The following CDKAL1 variants were observed in gnomAD, a reference collection of about 807,000 sequenced individuals.
The protein encoded by CDKAL1 is threonylcarbamoyladenosine tRNA methylthiotransferase.
A neutral mutation model predicts 68.2 loss-of-function variants in CDKAL1; 32 were observed. That is an observed-to-expected ratio of 0.47 (90% CI 0.35 to 0.63). The LOEUF (loss-of-function observed/expected upper bound fraction) is 0.63, where lower values mean the gene tolerates loss of function less well. Among genes scored for constraint, CDKAL1 ranks in the 30% least tolerant of loss-of-function variants. The pLI, the probability that CDKAL1 is intolerant of heterozygous loss-of-function variation, is 0.00. For synonymous variants in CDKAL1, 234 were observed against 244.3 expected (o/e 0.96, Z 0.39); for missense variants, 606 against 696.7 (o/e 0.87, Z 1.47).
At chr6:20,896,600 A>T (rs1368815292) in intron 9 of CDKAL1, among the ~76,000 whole-genome samples, 2 of 152,222 alleles carry the variant, frequency 1.3e-5, no homozygotes, top group African/African-American at 4.8e-5. Flanking sequence ...CAATAATGAA[A>T]ACCATGGTTT....
In CDKAL1 at chr6:20,629,129, C is replaced by T. The variant is rs920018704; in HGVS notation, c.287-20164C>T. 7.2e-5 allele frequency among the ~76,000 whole-genome samples: 11 copies of T among 152,208 alleles called. 1 individual carries two copies. Among genetic ancestry groups the T allele is most frequent in the Non-Finnish European group, 8.8e-5 (6 of 68,032 alleles). The stretch of plus-strand genomic sequence containing the variant: ...AGATTTCTTTAATCTGGACTAGTTT[C>T]TCTCTCTTTACTTGCCTTTATATCT... On this transcript the variant is annotated intron_variant, in intron 4 of 15. Coordinates refer to ENST00000274695, the MANE Select transcript of CDKAL1 (RefSeq NM_017774.3).
At chr6:20,624,848 A>G (rs1297080718) in intron 4 of CDKAL1, among the ~76,000 whole-genome samples, 1 of 152,096 alleles carries the variant, frequency 6.6e-6, no homozygotes, top group African/African-American at 2.4e-5. Context: ...ATTCACATCA[A>G]CAACTGGAAT....
chr6:21,190,317 T>G (rs1778181952), intron 13 of CDKAL1, among the ~76,000 whole-genome samples: 1 of 152,150 alleles, frequency 6.6e-6, no homozygotes, highest in Non-Finnish European at 1.5e-5. Flanking sequence ...TTCAAGTTTA[T>G]TAGAACCATG....
At chr6:21,193,080 G>A (rs954117682) in intron 13 of CDKAL1, among the ~76,000 whole-genome samples, 3 of 151,986 alleles carry the variant, frequency 2.0e-5, no homozygotes, top group South Asian at 2.1e-4. Flanking sequence ...TGGCCTCCCC[G>A]AATGCTGGGA....
At chr6:20,677,133 C>T (rs554121958) in intron 5 of CDKAL1, among the ~76,000 whole-genome samples, 11 of 152,070 alleles carry the variant, frequency 7.2e-5, no homozygotes, top group African/African-American at 1.7e-4. Flanking sequence ...TGCAGTGGCG[C>T]GATTTTGGCT....
At chr6:21,024,164 G>A (rs1768831699) in intron 11 of CDKAL1, among the ~76,000 whole-genome samples, 1 of 152,090 alleles carries the variant, frequency 6.6e-6, no homozygotes, top group Admixed American at 6.6e-5. Flanking sequence ...TGAGATGAGG[G>A]TTCACTTTAG....
chr6:20,823,703 CAAAT>C (rs1358526790), intron 8 of CDKAL1, among the ~76,000 whole-genome samples: 1 of 152,238 alleles, frequency 6.6e-6, no homozygotes, highest in East Asian at 1.9e-4. Flanking sequence ...TTGGATTCAT[CAAAT>C]AACTCTTCGG....
chr6:20,795,333 G>A (rs1225136655), intron 8 of CDKAL1, among the ~76,000 whole-genome samples: 3 of 152,016 alleles, frequency 2.0e-5, no homozygotes, highest in African/African-American at 7.2e-5. Flanking sequence ...GCCTTTCTCA[G>A]TTCATGTTTT....
intron 8 of CDKAL1, among the ~76,000 whole-genome samples, chr6:20,785,101 T>A (rs1478568034): frequency 6.6e-6 from 1 of 152,056 alleles, no homozygotes; most frequent in Non-Finnish European, 1.5e-5. Flanking sequence ...GAGTAGAGTG[T>A]TGATCCTCGG....
chr6:20,831,164 A>G (rs1273292413), intron 8 of CDKAL1, among the ~76,000 whole-genome samples: 1 of 152,032 alleles, frequency 6.6e-6, no homozygotes, highest in African/African-American at 2.4e-5. Context: ...TACAATCAAT[A>G]CATTTTTGCC....
chr6:20,638,635 C>G (rs1192176025), intron 4 of CDKAL1, among the ~76,000 whole-genome samples: 1 of 145,160 alleles, frequency 6.9e-6, no homozygotes, highest in Non-Finnish European at 1.5e-5. Flanking sequence ...TTTTTTGAGA[C>G]GGAGTCTCAC....
At chr6:20,633,061 C>T (rs1363163299) in intron 4 of CDKAL1, among the ~76,000 whole-genome samples, 1 of 152,180 alleles carries the variant, frequency 6.6e-6, no homozygotes, top group Non-Finnish European at 1.5e-5. Context: ...TGTTTTTTAA[C>T]AGCTGTATTG....
At chr6:20,561,882 A>G (rs1453335513) in intron 4 of CDKAL1, among the ~76,000 whole-genome samples, 1 of 152,162 alleles carries the variant, frequency 6.6e-6, no homozygotes, top group South Asian at 2.1e-4. Context: ...GTAAAATTCT[A>G]TTTGGGTGGC....
chr6:21,072,663 T>C (rs1463503658), intron 12 of CDKAL1, among the ~76,000 whole-genome samples: 1 of 142,182 alleles, frequency 7.0e-6, no homozygotes, highest in African/African-American at 2.6e-5. Flanking sequence ...CACCCAGGCC[T>C]GGAATAGAGT....
At chr6:20,937,057 A>G (rs1763754632) in intron 9 of CDKAL1, among the ~76,000 whole-genome samples, 1 of 152,088 alleles carries the variant, frequency 6.6e-6, no homozygotes, top group Non-Finnish European at 1.5e-5. Flanking sequence ...ATAAGAGTAC[A>G]TTTACCCTTC....
intron 10 of CDKAL1, among the ~76,000 whole-genome samples, chr6:20,983,135 G>A (rs1227960843): frequency 6.6e-6 from 1 of 152,118 alleles, no homozygotes; most frequent in Non-Finnish European, 1.5e-5. Flanking sequence ...AACAATTTAA[G>A]TAGAACAGGG....
At chr6:20,829,573 G>C (rs1295695571) in intron 8 of CDKAL1, among the ~76,000 whole-genome samples, 1 of 152,154 alleles carries the variant, frequency 6.6e-6, no homozygotes. Context: ...AAACAAAATA[G>C]GTAACTCCGG....
At chr6:21,192,575 A>G (rs991256610) in intron 13 of CDKAL1, among the ~76,000 whole-genome samples, 1 of 152,200 alleles carries the variant, frequency 6.6e-6, no homozygotes, top group Admixed American at 6.5e-5. Context: ...TACTACAATC[A>G]GTTACTTTCC....
intron 7 of CDKAL1, among the ~76,000 whole-genome samples, chr6:20,773,793 G>A (rs1398927575): frequency 1.3e-5 from 2 of 152,180 alleles, no homozygotes; most frequent in African/African-American, 4.8e-5. Flanking sequence ...TGATCTGCCC[G>A]CCTCGGCCTC....
Sources: gnomAD v4.1 joint callset for allele counts (sites outside exome capture counted in the v4.1 genomes callset) on GRCh38, gnomAD v4.1.1 for gene constraint, MANE v1.5 for transcripts, NCBI Gene and HGNC (gene_info 2026-07-23, HGNC 2026-07-21) for gene names.